Variants in NRG1 observed in about 807,000 individuals in gnomAD.
NRG1 encodes neuregulin 1.
NRG1 carries 18 observed loss-of-function variants against 63.8 expected under a neutral mutation model. That is an observed-to-expected ratio of 0.28 (90% CI 0.19 to 0.42). The LOEUF (loss-of-function observed/expected upper bound fraction) is 0.42, where lower values mean the gene tolerates loss of function less well. NRG1 is among the 10% of genes least tolerant of loss of function. The pLI is 1.00. For synonymous variants in NRG1, 302 were observed against 301.3 expected (o/e 1.00, Z -0.02); for missense variants, 762 against 814.7 (o/e 0.94, Z 0.79).
rs1228174009 is a variant in NRG1, at chr8:32,711,881, T to TTA, written c.503-16068_503-16067insTA. 6.6e-5 allele frequency among the ~76,000 whole-genome samples: 10 copies of TTA among 152,266 alleles called. No homozygotes were observed. The South Asian group carries it at 1.5e-3, about 22-fold the overall frequency. On this transcript the variant is annotated intron_variant, in intron 5 of 11. Transcript: ENST00000356819. Reference sequence around the variant, plus strand: ...TGACTCATTCTAGAAATATGACTATTAAGAATGAGTACATTTATTTCTTCA... The same window carrying TTA: ...TGACTCATTCTAGAAATATGACTATTTAAAGAATGAGTACATTTATTTCTTCA...
At chr8:32,164,623 C>T (rs1340579859) in intron 1 of NRG1, among the ~76,000 whole-genome samples, 1 of 152,178 alleles carries the variant, frequency 6.6e-6, no homozygotes, top group Admixed American at 6.5e-5. Flanking sequence ...TTTTTTAAAA[C>T]TACCATCCAT....
intron 1 of NRG1, among the ~76,000 whole-genome samples, chr8:32,147,562 G>A (rs990082625): frequency 5.3e-5 from 8 of 152,120 alleles, no homozygotes; most frequent in African/African-American, 1.9e-4. Flanking sequence ...TATTATACAA[G>A]GCAAAACCTG....
At chr8:32,428,609 G>C (rs559653778) in intron 1 of NRG1, among the ~76,000 whole-genome samples, 29 of 152,312 alleles carry the variant, frequency 1.9e-4, no homozygotes, top group Admixed American at 1.8e-3. Flanking sequence ...AGGCTGCTCA[G>C]TTAGCTGCTG....
At chr8:31,871,359 T>C (rs1351432885) in intron 1 of NRG1, among the ~76,000 whole-genome samples, 1 of 152,162 alleles carries the variant, frequency 6.6e-6, no homozygotes, top group Non-Finnish European at 1.5e-5. Flanking sequence ...CTCTGTTGCT[T>C]GCTTGTTGCG....
chr8:32,291,893 G>A (rs1854245609), intron 1 of NRG1, among the ~76,000 whole-genome samples: 1 of 152,084 alleles, frequency 6.6e-6, no homozygotes, highest in Admixed American at 6.5e-5. Context: ...ACTAGAAAAT[G>A]AGCATATATG....
chr8:32,026,065 CT>C (rs1200629616), intron 1 of NRG1, among the ~76,000 whole-genome samples: 2 of 92,608 alleles, frequency 2.2e-5, no homozygotes, highest in African/African-American at 7.7e-5. Flanking sequence ...CATATACAAT[CT>C]TTTTTTCTTT....
intron 5 of NRG1, among the ~76,000 whole-genome samples, chr8:32,630,897 G>A (rs985491433): frequency 6.6e-6 from 1 of 151,890 alleles, no homozygotes; most frequent in Non-Finnish European, 1.5e-5. Flanking sequence ...GCCACAACAG[G>A]TATCTGCCTA....
At chr8:32,129,694 G>A (rs963833425) in intron 1 of NRG1, among the ~76,000 whole-genome samples, 1 of 151,738 alleles carries the variant, frequency 6.6e-6, no homozygotes, top group Non-Finnish European at 1.5e-5. Context: ...ATAAATTATG[G>A]GTGGAAAAAG....
chr8:32,266,676 T>C (rs1235882800), intron 1 of NRG1, among the ~76,000 whole-genome samples: 1 of 152,014 alleles, frequency 6.6e-6, no homozygotes, highest in Non-Finnish European at 1.5e-5. Context: ...TATCTACAGT[T>C]CTGAAGATTA....
At chr8:32,756,079 T>C (rs562734606) in intron 8 of NRG1, among the ~76,000 whole-genome samples, 1 of 152,306 alleles carries the variant, frequency 6.6e-6, no homozygotes, top group South Asian at 2.1e-4. Flanking sequence ...AAGTGTCCAT[T>C]TGTAAGACTT....
intron 3 of NRG1, among the ~76,000 whole-genome samples, chr8:32,606,973 C>A (rs1472062210): frequency 1.3e-5 from 2 of 152,212 alleles, no homozygotes; most frequent in South Asian, 4.1e-4. Flanking sequence ...AATGCCTCAT[C>A]CTCTCTGGAC....
At chr8:32,140,628 A>T (rs942806132) in intron 1 of NRG1, among the ~76,000 whole-genome samples, 9 of 151,818 alleles carry the variant, frequency 5.9e-5, no homozygotes, top group Non-Finnish European at 1.3e-4. Context: ...CATCTGGCTA[A>T]TTTCTTCATT....
rs144443303 is a variant in NRG1, at chr8:32,617,685, A to G, written c.502+800A>G. Among the ~76,000 whole-genome samples, 1,062 of 152,288 alleles carry G rather than the reference A, an allele frequency of 7.0e-3. 13 individuals carry two copies. The highest frequency in any genetic ancestry group is 0.024 in the African/African-American group (992 of 41,582). ...AGCTCCTTATTTAAAGCATTTCTCA[A>G]TTTGATAAGCTCTTCAATAAATAGA... On this transcript the variant is annotated intron_variant, in intron 5 of 11. Transcript: ENST00000356819.
At chr8:32,616,576 A>G (rs1847405713) in intron 4 of NRG1, among the ~76,000 whole-genome samples, 1 of 152,094 alleles carries the variant, frequency 6.6e-6, no homozygotes, top group Non-Finnish European at 1.5e-5. Context: ...AAGTTCAGAT[A>G]ATGCTTGGTG....
intron 1 of NRG1, among the ~76,000 whole-genome samples, chr8:32,220,727 AC>A: frequency 6.6e-6 from 1 of 151,606 alleles, no homozygotes; most frequent in South Asian, 2.1e-4. Context: ...TTCCCTGGAA[AC>A]CCCCAGCAAC....
At chr8:31,920,688 T>C (rs1833824418) in intron 1 of NRG1, among the ~76,000 whole-genome samples, 1 of 152,100 alleles carries the variant, frequency 6.6e-6, no homozygotes, top group Non-Finnish European at 1.5e-5. Flanking sequence ...TTGAGGATGT[T>C]GGTTTGTCTG....
chr8:32,759,619 C>G (rs1234700873), intron 10 of NRG1, among the ~76,000 whole-genome samples, 183 bp downstream of exon 10: 1 of 152,162 alleles, frequency 6.6e-6, no homozygotes, highest in Non-Finnish European at 1.5e-5. Flanking sequence ...TTAGGTAACT[C>G]CACAGGGCCG....
chr8:31,887,189 G>A (rs962411112), intron 1 of NRG1, among the ~76,000 whole-genome samples: 2 of 152,072 alleles, frequency 1.3e-5, no homozygotes, highest in African/African-American at 4.8e-5. Flanking sequence ...GCATGCAGAT[G>A]AATGAGATAG....
At chr8:31,840,063 A>T (rs574818573) in intron 1 of NRG1, among the ~76,000 whole-genome samples, 26 of 152,312 alleles carry the variant, frequency 1.7e-4, no homozygotes, top group Middle Eastern at 3.4e-3. Context: ...AAGCAGAGCA[A>T]ATGAGCACAT....
Sources: allele counts gnomAD v4.1 joint callset (sites outside exome capture counted in the v4.1 genomes callset), GRCh38; gene constraint gnomAD v4.1.1; transcripts MANE v1.5; gene names NCBI Gene and HGNC (gene_info 2026-07-23, HGNC 2026-07-21).